Variants in ATP11B observed in about 807,000 individuals in gnomAD.
The protein encoded by ATP11B is phospholipid-transporting ATPase IF.
In ATP11B, 81 loss-of-function variants were observed where a neutral mutation model predicts 157.8. The ratio of observed to expected loss-of-function variants is 0.51; its 90% CI spans 0.43 to 0.62. The LOEUF (loss-of-function observed/expected upper bound fraction) is 0.62. ATP11B is among the 20% of genes least tolerant of loss of function. The probability of loss-of-function intolerance (pLI) is 0.00; values close to 1 mark genes in which losing one functional copy is unlikely to be tolerated. For synonymous variants in ATP11B, 451 were observed against 469.4 expected, an observed-to-expected ratio of 0.96 and a Z score of 0.51; for missense variants, 1,165 against 1,402.2, an observed-to-expected ratio of 0.83 and a Z score of 2.70.
intron 12 of ATP11B, among the ~76,000 whole-genome samples, chr3:182,861,884 C>T (rs1293287026): frequency 1.3e-5 from 2 of 150,476 alleles, no homozygotes; most frequent in Non-Finnish European, 2.9e-5. Context: ...ATCGAGGCTG[C>T]AGTGAACCCT....
chr3:182,811,479 C>G (rs147551804), intron 1 of ATP11B, among the ~76,000 whole-genome samples: 25 of 152,270 alleles, frequency 1.6e-4, no homozygotes, highest in African/African-American at 6.0e-4. Flanking sequence ...TAGCACCCCC[C>G]AGTCATTGTG....
intron 1 of ATP11B, among the ~76,000 whole-genome samples, chr3:182,810,487 C>G (rs1309641800): frequency 4.6e-5 from 7 of 151,172 alleles, no homozygotes; most frequent in Non-Finnish European, 7.4e-5. Context: ...GCTTTACTTT[C>G]TTTCGAAGCA....
At chr3:182,895,001 C>G (rs1723436922) in intron 25 of ATP11B, among the ~76,000 whole-genome samples, 6 of 150,916 alleles carry the variant, frequency 4.0e-5, no homozygotes, top group Admixed American at 4.0e-4. Context: ...TGGCGTGTGC[C>G]TCTAGTCCCA....
chr3:182,854,268 G>C (rs1193692042), intron 10 of ATP11B, among the ~76,000 whole-genome samples: 1 of 152,098 alleles, frequency 6.6e-6, no homozygotes, highest in South Asian at 2.1e-4. Flanking sequence ...TCGGGAGTCC[G>C]AGACCAGCCT....
At chr3:182,871,043 T>G (rs1721625445) in intron 17 of ATP11B, among the ~76,000 whole-genome samples, 1 of 152,182 alleles carries the variant, frequency 6.6e-6, no homozygotes, top group Non-Finnish European at 1.5e-5. Flanking sequence ...GGCTCATGCC[T>G]GTAATCCCAG....
intron 17 of ATP11B, among the ~76,000 whole-genome samples, chr3:182,870,994 A>G (rs1721621197): frequency 6.6e-6 from 1 of 151,110 alleles, no homozygotes; most frequent in South Asian, 2.1e-4. Flanking sequence ...ACGCTTTCCA[A>G]GTTGTTATTA....
In ATP11B at chr3:182,814,750, G is replaced by A. The variant is rs532995174; in HGVS notation, c.28-5510G>A. On this transcript the variant is annotated intron_variant, in intron 1 of 29. Transcript: ENST00000323116. ...TTGAGCCTGGGAAGTCAAGAGTGCA[G>A]TGAGCCGTGAATACACCACTGCACT... Among the ~76,000 whole-genome samples, 3 of 152,300 alleles carry A rather than the reference G, an allele frequency of 2.0e-5. No individual in the cohort carries two copies. In the South Asian group the frequency reaches 6.2e-4, roughly 32 times the overall value.
intron 28 of ATP11B, among the ~76,000 whole-genome samples, chr3:182,903,487 CTA>C (rs1313021759): frequency 6.6e-6 from 1 of 152,044 alleles, no homozygotes; most frequent in African/African-American, 2.4e-5. Context: ...TTATAAAACT[CTA>C]TGAGTTCATA....
At chr3:182,839,544 A>G (rs1207423147) in intron 7 of ATP11B, among the ~76,000 whole-genome samples, 1 of 152,084 alleles carries the variant, frequency 6.6e-6, no homozygotes, top group Non-Finnish European at 1.5e-5. Context: ...ATTTAGTAAT[A>G]TTCTCGTGGT....
chr3:182,827,467 T>C (rs1717800548), intron 2 of ATP11B, among the ~76,000 whole-genome samples: 1 of 152,034 alleles, frequency 6.6e-6, no homozygotes, highest in Non-Finnish European at 1.5e-5. Flanking sequence ...TAGTGAGTAT[T>C]ACAAATTAAG....
intron 1 of ATP11B, among the ~76,000 whole-genome samples, chr3:182,799,539 T>C (rs1300963399): frequency 6.6e-6 from 1 of 152,108 alleles, no homozygotes; most frequent in Non-Finnish European, 1.5e-5. Flanking sequence ...CCTCCGGAAG[T>C]GCTGGGATTA....
chr3:182,895,549 G>A (rs1723490881), intron 25 of ATP11B, among the ~76,000 whole-genome samples: 1 of 152,118 alleles, frequency 6.6e-6, no homozygotes, highest in African/African-American at 2.4e-5. Flanking sequence ...TAAAAAACAG[G>A]CTTTTTATTA....
chr3:182,799,525 T>C (rs1715847125), intron 1 of ATP11B, among the ~76,000 whole-genome samples: 1 of 152,152 alleles, frequency 6.6e-6, no homozygotes, highest in Non-Finnish European at 1.5e-5. Context: ...TCCGCCCGCC[T>C]CGGCCTCCGG....
intron 29 of ATP11B, chr3:182,915,819 A>G (rs1176417633): frequency 1.0e-6 from 1 of 978,170 alleles, no homozygotes; most frequent in Admixed American, 6.2e-5. Context: ...AGCTATTATC[A>G]TCTATACTTC....
chr3:182,795,034 CAAA>C (rs10582019), intron 1 of ATP11B, among the ~76,000 whole-genome samples: 115 of 139,136 alleles, frequency 8.3e-4, no homozygotes, highest in African/African-American at 2.5e-3. Flanking sequence ...GCATCATTCT[CAAA>C]AAAAAAAAAA....
intron 25 of ATP11B, among the ~76,000 whole-genome samples, chr3:182,895,206 C>T (rs1416759015): frequency 6.6e-6 from 1 of 151,640 alleles, no homozygotes; most frequent in African/African-American, 2.4e-5. Flanking sequence ...AAGTTGAGAC[C>T]CACTGATCAT....
At chr3:182,867,129 A>C (rs187727280) in intron 14 of ATP11B, among the ~76,000 whole-genome samples, 1 of 151,558 alleles carries the variant, frequency 6.6e-6, no homozygotes, top group Non-Finnish European at 1.5e-5. Flanking sequence ...GGGTTTCGCC[A>C]TGTTAGCCAG....
At chr3:182,816,324 T>C (rs1716967306) in intron 1 of ATP11B, among the ~76,000 whole-genome samples, 2 of 152,272 alleles carry the variant, frequency 1.3e-5, no homozygotes, top group East Asian at 3.9e-4. Context: ...CAAGATAAAA[T>C]CAGAGAAGAA....
chr3:182,822,127 T>C (rs1003648523), intron 2 of ATP11B, among the ~76,000 whole-genome samples: 3 of 152,030 alleles, frequency 2.0e-5, no homozygotes, highest in Admixed American at 1.3e-4. Context: ...TTTTTTTAAA[T>C]TATTATTATA....
Sources: allele counts gnomAD v4.1 joint callset (sites outside exome capture counted in the v4.1 genomes callset), GRCh38; gene constraint gnomAD v4.1.1; transcripts MANE v1.5; gene names NCBI Gene and HGNC (gene_info 2026-07-23, HGNC 2026-07-21).